The following SRPK1 variants were observed in gnomAD, a reference collection of about 807,000 sequenced individuals.
SRPK1 encodes the protein SRSF protein kinase 1, also known as SFRS protein kinase 1.
Under a neutral mutation model 89.5 loss-of-function variants are expected in SRPK1, and 52 were observed. The observed-to-expected ratio is 0.58, with a 90% CI of 0.46 to 0.73. The LOEUF (loss-of-function observed/expected upper bound fraction) is 0.73. SRPK1 is among the 30% of genes least tolerant of loss of function. The pLI is 0.00. For missense variants in SRPK1, 603 were observed against 780.6 expected (o/e 0.77, Z 2.71); for synonymous variants, 255 against 270.2 (o/e 0.94, Z 0.55).
chr6:35,894,421 T>A (rs1251501856), intron 2 of SRPK1, among the ~76,000 whole-genome samples: 1 of 152,134 alleles, frequency 6.6e-6, no homozygotes, highest in Non-Finnish European at 1.5e-5. Context: ...CTACTCAAGA[T>A]AATAATGCTC....
At chr6:35,890,262 A>C (rs879475521) in intron 3 of SRPK1, among the ~76,000 whole-genome samples, 3 of 152,234 alleles carry the variant, frequency 2.0e-5, no homozygotes, top group Non-Finnish European at 4.4e-5. Flanking sequence ...CAAAAAAACA[A>C]AACAAAAAAA....
At chr6:35,841,830 CAAAA>C (rs749935901) in intron 14 of SRPK1, among the ~76,000 whole-genome samples, 29 of 44,742 alleles carry the variant, frequency 6.5e-4, no homozygotes, top group Admixed American at 1.3e-3. Flanking sequence ...GACTCCGTCT[CAAAA>C]AAAAAAAAAA....
Position 35,869,643 on chromosome 6 carries a change from A to G in SRPK1, c.1250T>C (p.Ile417Thr). The G allele has an allele frequency of 6.2e-7, 1 of 1,614,024 alleles. No individual in the cohort carries two copies. Among genetic ancestry groups the G allele is most frequent in the Non-Finnish European group, 8.5e-7 (1 of 1,179,884 alleles). The change falls in exon 11 of 16, where the codon ATA becomes ACA. Residue 417 changes from isoleucine (I) to threonine (T), a missense_variant. Physicochemically the swap from Ile to Thr is moderately conservative, Grantham distance 89 (BLOSUM62 -1). Transcript: ENST00000373825. ...CATGGTGTCTGACACCTCAGATGTTATAGGTGTACAAGAGTCTGTTTCTTG... is the reference window on the plus strand; with the variant it reads ...CATGGTGTCTGACACCTCAGATGTTGTAGGTGTACAAGAGTCTGTTTCTTG... Reference protein sequence around the residue: ...TSQETDSCTPITSEVSDTMVC... With the variant: ...TSQETDSCTPTTSEVSDTMVC...
chr6:35,906,664 C>A (rs1281555841), intron 2 of SRPK1, among the ~76,000 whole-genome samples: 1 of 152,150 alleles, frequency 6.6e-6, no homozygotes, highest in Admixed American at 6.5e-5. Flanking sequence ...GAGGCAGTGT[C>A]GGGAGTCAAG....
chr6:35,844,294 C>T (rs995829049), intron 13 of SRPK1, among the ~76,000 whole-genome samples: 2 of 152,074 alleles, frequency 1.3e-5, no homozygotes, highest in Non-Finnish European at 2.9e-5. Flanking sequence ...TGAGCCACCA[C>T]GCCTGGCCAA....
At chr6:35,867,977 TTC>T in intron 12 of SRPK1, among the ~76,000 whole-genome samples, 1 of 152,292 alleles carries the variant, frequency 6.6e-6, no homozygotes, top group East Asian at 1.9e-4. Context: ...ATCTTTTCTT[TTC>T]TTTTTTTTTG....
intron 13 of SRPK1, among the ~76,000 whole-genome samples, chr6:35,855,058 T>G (rs962971770): frequency 2.6e-5 from 4 of 152,160 alleles, no homozygotes; most frequent in Non-Finnish European, 5.9e-5. Context: ...TCCCAGCACT[T>G]TGGGAGGCAG....
At chr6:35,863,358 G>A (rs1245524529) in intron 12 of SRPK1, among the ~76,000 whole-genome samples, 2 of 150,056 alleles carry the variant, frequency 1.3e-5, no homozygotes, top group Admixed American at 6.6e-5. Flanking sequence ...TCAGGAGGCT[G>A]GGGCAGGAGG....
Position 35,903,510 on chromosome 6 carries a change from C to CA in SRPK1, c.75-12498dup, listed in dbSNP as rs199765665. ...CTGGGTGACAGAGTGAGACTGTCTC[C>CA]AAAAAAAAAAAAAAATCACAACACT... is the stretch of plus-strand genomic sequence containing the variant. On this transcript the variant is annotated intron_variant, in intron 2 of 15. Coordinates refer to ENST00000373825, the MANE Select transcript of SRPK1 (RefSeq NM_003137.5). Among the ~76,000 whole-genome samples, 698 of 119,794 alleles carry CA rather than the reference C, an allele frequency of 5.8e-3. 3 individuals are homozygous for CA. Among genetic ancestry groups the CA allele is most frequent in the East Asian group, 0.023 (98 of 4,270 alleles). The allele number at this position is 119,794 out of a possible 152,430, so 78.6% of individuals were successfully genotyped here.
At chr6:35,901,353 G>GAC (rs1277575041) in intron 2 of SRPK1, among the ~76,000 whole-genome samples, 4 of 152,118 alleles carry the variant, frequency 2.6e-5, no homozygotes, top group Admixed American at 1.3e-4. Context: ...TGGATGTAGA[G>GAC]ACACACACAC....
chr6:35,886,595 G>A (rs1157104704), intron 6 of SRPK1, 129 bp downstream of exon 6: 9 of 676,356 alleles, frequency 1.3e-5, no homozygotes, highest in East Asian at 8.3e-5. Flanking sequence ...GTTCAGAAGT[G>A]TACAATAAAA....
intron 12 of SRPK1, among the ~76,000 whole-genome samples, chr6:35,867,209 G>A (rs1188588512): frequency 6.6e-6 from 1 of 152,136 alleles, no homozygotes; most frequent in African/African-American, 2.4e-5. Flanking sequence ...TAGTCTACGG[G>A]GAGCAAGGGC....
At chr6:35,874,167 C>T (rs1770104945) in intron 7 of SRPK1, 66 bp downstream of exon 7, 2 of 1,333,904 alleles carry the variant, frequency 1.5e-6, no homozygotes. Context: ...AGTCCTGACA[C>T]TTCAAGAATA....
At chr6:35,909,543 G>C (rs1315571250) in intron 2 of SRPK1, among the ~76,000 whole-genome samples, 1 of 152,178 alleles carries the variant, frequency 6.6e-6, no homozygotes, top group Non-Finnish European at 1.5e-5. Context: ...AGTTGGGAAG[G>C]CATGATTATT....
At chr6:35,866,596 AAAAG>A (rs1222144738) in intron 12 of SRPK1, among the ~76,000 whole-genome samples, 32 of 152,284 alleles carry the variant, frequency 2.1e-4, no homozygotes, top group Middle Eastern at 6.8e-3. Flanking sequence ...AAAAAAAAGA[AAAAG>A]AAAGAAGGAA....
In SRPK1 at chr6:35,834,574, G is replaced by T. The variant is rs1023472917; in HGVS notation, c.*730C>A. On this transcript the variant is annotated 3_prime_UTR_variant, in exon 16 of 16. Coordinates refer to ENST00000373825, the MANE Select transcript of SRPK1 (RefSeq NM_003137.5). ...AGGGTAATAGAAGACATACAGGAAA[G>T]GACTGTTTATAGAACACCTGAGGTT... The T allele has an allele frequency of 1.3e-5, 2 of 152,082 alleles. No individual in the cohort carries two copies. The highest frequency in any genetic ancestry group is 4.8e-5 in the African/African-American group (2 of 41,424). 9.4% of individuals were successfully genotyped at this position (152,082 alleles called of 1,614,324 possible).
At position 35,906,323 on chromosome 6, in the gene SRPK1, C is replaced by T. The variant is rs528159859; in HGVS notation, c.74+14145G>A. Among the ~76,000 whole-genome samples, 5 of 152,242 alleles carry T rather than the reference C, an allele frequency of 3.3e-5. No individual in the cohort carries two copies. The South Asian group carries it at 1.0e-3, about 32-fold the overall frequency. On this transcript the variant is annotated intron_variant, in intron 2 of 15. Coordinates refer to ENST00000373825, the MANE Select transcript of SRPK1 (RefSeq NM_003137.5). ...TACTGCAACCTCCACCTCCCAGGTT[C>T]AAGTGATTCTCATGCCTCAGCCTCC...
chr6:35,912,786 T>C lies in SRPK1; in HGVS notation c.74+7682A>G, dbSNP rs116440604. On this transcript the variant is annotated intron_variant, in intron 2 of 15. Coordinates refer to ENST00000373825, the MANE Select transcript of SRPK1 (RefSeq NM_003137.5). Reference sequence around the variant, plus strand: ...TAAATTGATTTTAGTTGATCATCTTTCTTCCCTTCTTTTGGAGACAGGGGT... The same window carrying C: ...TAAATTGATTTTAGTTGATCATCTTCCTTCCCTTCTTTTGGAGACAGGGGT... Among the ~76,000 whole-genome samples, 566 of 152,336 alleles carry C rather than the reference T, an allele frequency of 3.7e-3. 2 individuals are homozygous for C. Among genetic ancestry groups the C allele is most frequent in the African/African-American group, 0.013 (529 of 41,586 alleles).
intron 2 of SRPK1, among the ~76,000 whole-genome samples, chr6:35,918,761 G>C (rs1771167192): frequency 6.6e-6 from 1 of 152,208 alleles, no homozygotes; most frequent in African/African-American, 2.4e-5. Context: ...TGGGGTAACA[G>C]ATACACATCT....
Sources: gnomAD v4.1 joint callset for allele counts (sites outside exome capture counted in the v4.1 genomes callset) on GRCh38, gnomAD v4.1.1 for gene constraint, MANE v1.5 for transcripts, NCBI Gene and HGNC (gene_info 2026-07-23, HGNC 2026-07-21) for gene names.